SOX5: variants seen among roughly 807,000 people sequenced by gnomAD.
The protein encoded by SOX5 is SRY-box transcription factor 5, also known as transcription factor SOX-5.
SOX5 carries 9 observed loss-of-function variants against 92.0 expected under a neutral mutation model. The ratio of observed to expected loss-of-function variants is 0.10; its 90% CI spans 0.06 to 0.17. The LOEUF is 0.17. SOX5 is among the 10% of genes least tolerant of loss of function. The pLI is 1.00. For synonymous variants in SOX5, 344 were observed against 336.3 expected (o/e 1.02, Z -0.25); for missense variants, 642 against 944.5 (o/e 0.68, Z 4.20).
intron 1 of SOX5, among the ~76,000 whole-genome samples, chr12:24,511,887 T>C (rs889393298): frequency 4.0e-5 from 6 of 150,084 alleles, no homozygotes; most frequent in African/African-American, 1.5e-4. Flanking sequence ...GAACCCGGGA[T>C]GTGGATCTTG....
At chr12:24,416,553 A>G (rs1370521695) in intron 1 of SOX5, among the ~76,000 whole-genome samples, 4 of 152,208 alleles carry the variant, frequency 2.6e-5, no homozygotes, top group African/African-American at 9.6e-5. Context: ...AAATCCAGTC[A>G]CTCAACTAAT....
intron 4 of SOX5, among the ~76,000 whole-genome samples, chr12:24,120,716 C>T (rs1184590705): frequency 6.6e-6 from 1 of 152,160 alleles, no homozygotes. Context: ...TGAAAATACA[C>T]TATATCTGTA....
intron 4 of SOX5, among the ~76,000 whole-genome samples, chr12:24,167,127 C>A (rs1320746590): frequency 6.6e-6 from 1 of 152,134 alleles, no homozygotes; most frequent in Non-Finnish European, 1.5e-5. Context: ...CAGTTCTTGT[C>A]TGTGTAATAC....
intron 4 of SOX5, among the ~76,000 whole-genome samples, chr12:24,208,932 G>T (rs1384814753): frequency 6.6e-6 from 1 of 152,212 alleles, no homozygotes; most frequent in Non-Finnish European, 1.5e-5. Flanking sequence ...GGTTATTGAT[G>T]ATCTTAGCAA....
At chr12:23,879,522 T>C (rs2096964021) in intron 2 of SOX5, among the ~76,000 whole-genome samples, 1 of 152,122 alleles carries the variant, frequency 6.6e-6, no homozygotes, top group South Asian at 2.1e-4. Context: ...GTAAGCAAAC[T>C]GCCTTGACAT....
At chr12:23,837,254 T>G (rs1176026763) in intron 3 of SOX5, among the ~76,000 whole-genome samples, 47 of 78,654 alleles carry the variant, frequency 6.0e-4, no homozygotes, top group South Asian at 3.0e-3. Flanking sequence ...TATATATTTA[T>G]ATTTATATAA....
At chr12:23,562,337 C>T (rs1193708206) in intron 11 of SOX5, among the ~76,000 whole-genome samples, 1 of 152,194 alleles carries the variant, frequency 6.6e-6, no homozygotes, top group Non-Finnish European at 1.5e-5. Context: ...AGATTGCCAG[C>T]TTCTTAGTGA....
intron 6 of SOX5, among the ~76,000 whole-genome samples, chr12:23,701,522 C>T (rs2090625809): frequency 6.6e-6 from 1 of 151,998 alleles, no homozygotes; most frequent in Non-Finnish European, 1.5e-5. Flanking sequence ...ATAAACATAT[C>T]ATTAAGGTCA....
At chr12:24,103,082 T>C (rs1490075542) in intron 4 of SOX5, among the ~76,000 whole-genome samples, 4 of 152,212 alleles carry the variant, frequency 2.6e-5, no homozygotes, top group Non-Finnish European at 4.4e-5. Flanking sequence ...CTGAGAGGCT[T>C]CTTTGAGAAT....
At chr12:23,536,872 T>G (rs1205816335) in intron 13 of SOX5, among the ~76,000 whole-genome samples, 1 of 152,176 alleles carries the variant, frequency 6.6e-6, no homozygotes, top group Admixed American at 6.5e-5. Flanking sequence ...GGGCAGTATT[T>G]TTTTTTTTCT....
intron 4 of SOX5, among the ~76,000 whole-genome samples, chr12:24,195,725 T>C (rs1165480856): frequency 6.6e-6 from 1 of 152,224 alleles, no homozygotes; most frequent in Non-Finnish European, 1.5e-5. Context: ...CAGAATTTTA[T>C]GAATCTGAAA....
intron 4 of SOX5, among the ~76,000 whole-genome samples, chr12:23,963,228 C>A (rs1010463290): frequency 1.3e-5 from 2 of 152,072 alleles, no homozygotes; most frequent in African/African-American, 4.8e-5. Flanking sequence ...ACCCAGTTGG[C>A]AAATAGGAAT....
intron 3 of SOX5, among the ~76,000 whole-genome samples, chr12:24,219,816 TCAA>T: frequency 6.6e-6 from 1 of 152,236 alleles, no homozygotes; most frequent in South Asian, 2.1e-4. Context: ...GTTCATTTAC[TCAA>T]CAAAAAGTTC....
At chr12:23,876,759 G>A (rs2096931809) in intron 2 of SOX5, among the ~76,000 whole-genome samples, 1 of 152,262 alleles carries the variant, frequency 6.6e-6, no homozygotes, top group East Asian at 1.9e-4. Flanking sequence ...GCCCATCAGT[G>A]ATAGACTGGA....
intron 1 of SOX5, among the ~76,000 whole-genome samples, chr12:24,529,301 T>C (rs1208047952): frequency 2.0e-5 from 3 of 152,196 alleles, no homozygotes; most frequent in Non-Finnish European, 2.9e-5. Flanking sequence ...TCGGGTTTTT[T>C]CCCCACCATT....
intron 3 of SOX5, among the ~76,000 whole-genome samples, chr12:24,262,182 GA>G (rs1329234675): frequency 1.3e-5 from 2 of 152,140 alleles, no homozygotes; most frequent in African/African-American, 4.8e-5. Flanking sequence ...AGGTTGCAAT[GA>G]AACAATTCTG....
intron 3 of SOX5, among the ~76,000 whole-genome samples, chr12:24,238,509 T>C (rs899453756): frequency 3.9e-5 from 6 of 152,136 alleles, no homozygotes; most frequent in African/African-American, 7.2e-5. Flanking sequence ...ATGCCGCCAA[T>C]GTCCAGCTTA....
chr12:23,569,036 A>G (rs1390560097), intron 10 of SOX5, among the ~76,000 whole-genome samples: 1 of 152,100 alleles, frequency 6.6e-6, no homozygotes, highest in African/African-American at 2.4e-5. Context: ...AAAAAAACAC[A>G]AAAAATTAGT....
intron 3 of SOX5, among the ~76,000 whole-genome samples, chr12:23,830,531 T>C (rs1488803486): frequency 1.3e-5 from 2 of 152,142 alleles, no homozygotes; most frequent in Non-Finnish European, 1.5e-5. Context: ...AACATGTACT[T>C]TGTCAAAAGG....
Sources: allele counts gnomAD v4.1 joint callset (sites outside exome capture counted in the v4.1 genomes callset), GRCh38; gene constraint gnomAD v4.1.1; transcripts MANE v1.5; gene names NCBI Gene and HGNC (gene_info 2026-07-23, HGNC 2026-07-21).